PARD3B: variants seen among roughly 807,000 people sequenced by gnomAD.
PARD3B encodes the protein partitioning defective 3 homolog B.
In PARD3B, 103 loss-of-function variants were observed where a neutral mutation model predicts 130.2. The observed-to-expected ratio is 0.79, with a 90% CI of 0.67 to 0.93. PARD3B has a LOEUF of 0.93. Ranked by LOEUF, PARD3B falls within the 40% of genes least tolerant of loss-of-function variation. The probability of loss-of-function intolerance (pLI) is 0.00; values close to 1 mark genes in which losing one functional copy is unlikely to be tolerated. For missense variants in PARD3B, 1,609 were observed against 1,499.2 expected (o/e 1.07, Z -1.21); for synonymous variants, 583 against 553.2 (o/e 1.05, Z -0.76).
rs1167947255 is a variant in PARD3B at position 205,011,966 on chromosome 2, G to C, written c.395-35615G>C. ...AGACTGAGGAATGGAAATGGGCCAA[G>C]GCCTCGTTGGGCATTTTACAGGCTT... On this transcript the variant is annotated intron_variant, in intron 3 of 22. Coordinates refer to ENST00000406610, the MANE Select transcript of PARD3B (RefSeq NM_001302769.2). The surrounding 1 kb of genome is among the most constrained non-coding windows in gnomAD (Gnocchi z 4.1). Among the ~76,000 whole-genome samples, 1 of 152,124 alleles carries C rather than the reference G, an allele frequency of 6.6e-6. No homozygotes were observed. The highest frequency in any genetic ancestry group is 1.5e-5 in the Non-Finnish European group (1 of 68,022).
chr2:205,375,674 G>A (rs1267057910), intron 18 of PARD3B, among the ~76,000 whole-genome samples: 4 of 151,920 alleles, frequency 2.6e-5, no homozygotes, highest in East Asian at 1.9e-4. Flanking sequence ...GAGAGAGAAC[G>A]CACATGTTTG....
intron 18 of PARD3B, among the ~76,000 whole-genome samples, chr2:205,310,751 T>C (rs1268766025): frequency 1.7e-5 from 2 of 115,288 alleles, no homozygotes; most frequent in East Asian, 2.7e-4. Flanking sequence ...TGAGACAGAG[T>C]CTCACTCTGT....
chr2:205,528,969 A>G (rs1425291628), intron 21 of PARD3B, among the ~76,000 whole-genome samples: 2 of 152,184 alleles, frequency 1.3e-5, no homozygotes, highest in South Asian at 2.1e-4. Flanking sequence ...AAGTCAATCT[A>G]TGTTTATGAA....
rs1177560247 is a variant in PARD3B, at chr2:204,890,131, C to G, written c.223-75021C>G. On this transcript the variant is annotated intron_variant, in intron 2 of 22. Transcript: ENST00000406610. This position sits in a 1 kb window ranked among gnomAD's most constrained non-coding sequence, Gnocchi z 4.9. Reference sequence around the variant, plus strand: ...TCTGCTTTGCCTTCTCCGCCTTCTCCGCATGCCAGCAGGAGCACTCACCAC... The same window carrying G: ...TCTGCTTTGCCTTCTCCGCCTTCTCGGCATGCCAGCAGGAGCACTCACCAC... Among the ~76,000 whole-genome samples, 3 of 152,206 alleles carry G rather than the reference C, an allele frequency of 2.0e-5. No individual in the cohort carries two copies. Among genetic ancestry groups the G allele is most frequent in the African/African-American group, 7.2e-5 (3 of 41,452 alleles).
chr2:205,417,501 C>T (rs1312769175), intron 19 of PARD3B, among the ~76,000 whole-genome samples: 3 of 152,158 alleles, frequency 2.0e-5, no homozygotes, highest in African/African-American at 7.2e-5. Flanking sequence ...TGAGGAATCC[C>T]CACACTGTCT....
At chr2:205,284,244 A>G (rs1574593910) in intron 16 of PARD3B, among the ~76,000 whole-genome samples, 1 of 152,196 alleles carries the variant, frequency 6.6e-6, no homozygotes, top group East Asian at 1.9e-4. Flanking sequence ...CATGAGGTTC[A>G]TTATCCTTTT....
At chr2:205,163,179 T>C (rs1453605132) in intron 11 of PARD3B, among the ~76,000 whole-genome samples, 1 of 152,206 alleles carries the variant, frequency 6.6e-6, no homozygotes. Flanking sequence ...TTGGGAGTGG[T>C]ATGTCTCCTA....
At chr2:204,687,418 C>T (rs2037140868) in intron 2 of PARD3B, among the ~76,000 whole-genome samples, 1 of 152,102 alleles carries the variant, frequency 6.6e-6, no homozygotes, top group South Asian at 2.1e-4. Flanking sequence ...ACCTAGTTAT[C>T]TCCCTAAATA....
chr2:204,775,107 T>G (rs2041563421), intron 2 of PARD3B, among the ~76,000 whole-genome samples: 1 of 152,168 alleles, frequency 6.6e-6, no homozygotes, highest in Non-Finnish European at 1.5e-5. Context: ...CAAATCTTCC[T>G]GATTTTGTTT....
intron 1 of PARD3B, among the ~76,000 whole-genome samples, chr2:204,683,301 G>A (rs555393731): frequency 6.6e-6 from 1 of 152,286 alleles, no homozygotes; most frequent in African/African-American, 2.4e-5. Context: ...ATAAAGGCAA[G>A]TTAAGTGTCA....
At position 205,352,369 on chromosome 2, in the gene PARD3B, T is replaced by G. The variant is rs892772695; in HGVS notation, c.2631-48644T>G. Among the ~76,000 whole-genome samples, 4 of 152,196 alleles carry G rather than the reference T, an allele frequency of 2.6e-5. No individual in the cohort carries two copies. The highest frequency in any genetic ancestry group is 2.6e-4 in the Admixed American group (4 of 15,280). On this transcript the variant is annotated intron_variant, in intron 18 of 22. Transcript: ENST00000406610. This position sits in a 1 kb window ranked among gnomAD's most constrained non-coding sequence, Gnocchi z 5.2. ...TCATGTCGTGGATTACAGGGACTCT[T>G]GTAAATGGGTTTCATATGGTAACTA...
chr2:204,602,887 C>A (rs1400046100), intron 1 of PARD3B, among the ~76,000 whole-genome samples: 1 of 152,116 alleles, frequency 6.6e-6, no homozygotes, highest in Non-Finnish European at 1.5e-5. Flanking sequence ...AAGGAGCTAT[C>A]TTTATGCCAC....
chr2:204,565,161 C>G (rs73057260), intron 1 of PARD3B, among the ~76,000 whole-genome samples: 3,438 of 152,284 alleles, frequency 0.023, 123 homozygotes, highest in African/African-American at 0.077. Context: ...CTGGAGGCCA[C>G]CCTTCTTTCC....
chr2:205,448,428 C>G (rs531003105), intron 20 of PARD3B, among the ~76,000 whole-genome samples: 6 of 152,150 alleles, frequency 3.9e-5, no homozygotes, highest in Non-Finnish European at 5.9e-5. Context: ...ACTTAAGTTG[C>G]TATCAAACAA....
At chr2:204,575,325 G>A (rs1393262275) in intron 1 of PARD3B, among the ~76,000 whole-genome samples, 1 of 152,092 alleles carries the variant, frequency 6.6e-6, no homozygotes, top group East Asian at 1.9e-4. Flanking sequence ...AATATTAATT[G>A]CATCTTGCTT....
At chr2:205,293,819 C>T (rs1368635462) in intron 16 of PARD3B, 1 of 152,104 alleles carries the variant, frequency 6.6e-6, no homozygotes, top group Non-Finnish European at 1.5e-5. Context: ...GTTGTAAGTA[C>T]CCTTTACCTT....
chr2:205,012,065 C>G (rs1164060337), intron 3 of PARD3B, among the ~76,000 whole-genome samples: 1 of 152,110 alleles, frequency 6.6e-6, no homozygotes, highest in Admixed American at 6.5e-5. Flanking sequence ...CTGAGCTTTC[C>G]TGGGTCCCTG....
chr2:205,104,665 T>C, intron 5 of PARD3B, 151 bp downstream of exon 5: 1 of 582,626 alleles, frequency 1.7e-6, no homozygotes, highest in Non-Finnish European at 3.0e-6. Flanking sequence ...ACTTAATTCT[T>C]CTTTTCTAGT....
intron 21 of PARD3B, 98 bp downstream of exon 21, chr2:205,500,129 T>C: frequency 7.4e-7 from 1 of 1,353,312 alleles, no homozygotes; most frequent in Middle Eastern, 2.6e-4. Context: ...TACCAGATTC[T>C]ATTTAGGTTT....
Sources: gnomAD v4.1 joint callset for allele counts (sites outside exome capture counted in the v4.1 genomes callset) on GRCh38, gnomAD v4.1.1 for gene constraint, Gnocchi (gnomAD v3.1) non-coding constraint, MANE v1.5 for transcripts, NCBI Gene and HGNC (gene_info 2026-07-23, HGNC 2026-07-21) for gene names.